The following GLIS3 variants were observed in gnomAD, a reference collection of about 807,000 sequenced individuals.
GLIS3 encodes the protein GLIS family zinc finger 3.
GLIS3 carries 53 observed loss-of-function variants against 78.6 expected under a neutral mutation model. The observed-to-expected ratio is 0.67, with a 90% confidence interval of 0.54 to 0.85. GLIS3 has a LOEUF of 0.85. Among genes scored for constraint, GLIS3 ranks in the 40% least tolerant of loss-of-function variants. The pLI is 0.00. For synonymous variants in GLIS3, 684 were observed against 509.9 expected (o/e 1.34, Z -4.60); for missense variants, 1,703 against 1,231.1 (o/e 1.38, Z -5.74).
At chr9:4,353,076 C>T (rs1044423298), upstream of GLIS3, among the ~76,000 whole-genome samples, 1 of 152,126 alleles carries the variant, frequency 6.6e-6, no homozygotes, top group African/African-American at 2.4e-5. Flanking sequence ...GTGGCCACCT[C>T]TCAAGACTCA....
chr9:3,891,404 G>A (rs530645915), intron 7 of GLIS3, among the ~76,000 whole-genome samples: 85 of 152,216 alleles, frequency 5.6e-4, no homozygotes, highest in Non-Finnish European at 1.1e-3. Flanking sequence ...GGTCAGTAAC[G>A]TAATTTAAGA....
At chr9:4,154,956 T>G (rs1041674545) in intron 2 of GLIS3, among the ~76,000 whole-genome samples, 3 of 152,202 alleles carry the variant, frequency 2.0e-5, no homozygotes, top group African/African-American at 4.8e-5. Context: ...AAAAATTATA[T>G]TTTCAAAGAA....
intron 3 of GLIS3, among the ~76,000 whole-genome samples, chr9:4,122,903 C>G (rs1167181537): frequency 6.6e-6 from 1 of 152,146 alleles, no homozygotes; most frequent in Non-Finnish European, 1.5e-5. Context: ...GAGAATGACT[C>G]CTGGATCTTC....
chr9:4,412,683 C>T, the GLIS3 span, among the ~76,000 whole-genome samples: 1 of 152,226 alleles, frequency 6.6e-6, no homozygotes, highest in South Asian at 2.1e-4. Flanking sequence ...TTTACCAAAC[C>T]CTTACCCCTT....
chr9:4,417,285 G>T, the GLIS3 span, among the ~76,000 whole-genome samples: 8 of 152,100 alleles, frequency 5.3e-5, no homozygotes, highest in Non-Finnish European at 1.2e-4. Context: ...GAACTGTGTT[G>T]TTGGGGACTG....
chr9:4,030,109 T>C (rs575056144), intron 4 of GLIS3, among the ~76,000 whole-genome samples: 22 of 152,344 alleles, frequency 1.4e-4, no homozygotes, highest in African/African-American at 5.0e-4. Flanking sequence ...CTAGAATTTG[T>C]TATTGCCTGT....
At chr9:4,047,232 A>C (rs185422491) in intron 4 of GLIS3, among the ~76,000 whole-genome samples, 8 of 152,166 alleles carry the variant, frequency 5.3e-5, no homozygotes, top group African/African-American at 1.7e-4. Context: ...ACCAGCTAAG[A>C]CGTGACTACT....
At chr9:4,186,310 C>T (rs181895558) in intron 2 of GLIS3, among the ~76,000 whole-genome samples, 2,412 of 151,992 alleles carry the variant, frequency 0.016, 33 homozygotes, top group Non-Finnish European at 0.024. Context: ...CATCCATGTC[C>T]CTACAAAGGA....
At chr9:4,253,961 C>T (rs1398772970) in intron 2 of GLIS3, among the ~76,000 whole-genome samples, 2 of 152,188 alleles carry the variant, frequency 1.3e-5, no homozygotes, top group African/African-American at 4.8e-5. Context: ...GTCCCAATGA[C>T]ATGAGCCAGG....
At chr9:4,309,191 C>A (rs1278611660) in intron 3 of GLIS3, among the ~76,000 whole-genome samples, 1 of 152,212 alleles carries the variant, frequency 6.6e-6, no homozygotes, top group East Asian at 1.9e-4. Context: ...TCGTTTACAA[C>A]TGCACTCTCC....
chr9:3,982,296 C>T (rs1321479400), intron 4 of GLIS3, among the ~76,000 whole-genome samples: 2 of 151,762 alleles, frequency 1.3e-5, no homozygotes, highest in Non-Finnish European at 2.9e-5. Context: ...TTTTTTCACT[C>T]CTTTGTATTA....
At chr9:4,235,262 G>A (rs11788131) in intron 2 of GLIS3, among the ~76,000 whole-genome samples, 6,208 of 139,528 alleles carry the variant, frequency 0.044, 181 homozygotes, top group African/African-American at 0.055. Flanking sequence ...TTGCACTACT[G>A]CACTCCAGGC....
intron 4 of GLIS3, among the ~76,000 whole-genome samples, chr9:4,006,705 G>A (rs1316109363): frequency 6.6e-6 from 1 of 152,164 alleles, no homozygotes; most frequent in African/African-American, 2.4e-5. Context: ...ACAGGAAATG[G>A]ATACAGCTTA....
intron 7 of GLIS3, among the ~76,000 whole-genome samples, chr9:3,893,977 C>G (rs916411834): frequency 6.6e-6 from 1 of 152,184 alleles, no homozygotes; most frequent in Non-Finnish European, 1.5e-5. Flanking sequence ...ACTGCATTCT[C>G]CAATCTAACT....
intron 4 of GLIS3, among the ~76,000 whole-genome samples, chr9:4,046,862 T>C (rs1825293209): frequency 1.3e-5 from 2 of 152,186 alleles, no homozygotes; most frequent in African/African-American, 4.8e-5. Context: ...CAATACTTCA[T>C]CTAGGTATTG....
At chr9:3,934,600 C>T (rs201580020) in intron 5 of GLIS3, among the ~76,000 whole-genome samples, 7 of 152,010 alleles carry the variant, frequency 4.6e-5, no homozygotes, top group African/African-American at 1.4e-4. Flanking sequence ...GTAGAGATGG[C>T]GTTTCGCCAT....
At position 4,182,596 on chromosome 9, in the gene GLIS3, G is replaced by A. The variant is rs188665101; in HGVS notation, c.389-56655C>T. 3.0e-4 allele frequency among the ~76,000 whole-genome samples: 45 copies of A among 152,300 alleles called. No individual in the cohort carries two copies. In the East Asian group the frequency reaches 7.1e-3, roughly 24 times the overall value. On this transcript the variant is annotated intron_variant, in intron 2 of 10. Coordinates refer to ENST00000381971, the MANE Select transcript of GLIS3 (RefSeq NM_001042413.2). ...TATCACCACAAACATCTTGGAGAAT[G>A]TTCACAGGGAAAGAGATTCAATCGC... is the stretch of plus-strand genomic sequence containing the variant.
At chr9:4,420,192 G>A in the GLIS3 span, among the ~76,000 whole-genome samples, 1 of 152,150 alleles carries the variant, frequency 6.6e-6, no homozygotes, top group East Asian at 1.9e-4. Flanking sequence ...GATTCTCAAA[G>A]AATCACTGAA....
chr9:4,478,331 G>A, the GLIS3 span, among the ~76,000 whole-genome samples: 546 of 152,224 alleles, frequency 3.6e-3, 2 homozygotes, highest in African/African-American at 0.012. Context: ...AAAAAGCCCC[G>A]GCGCAGTGGC....
Sources: allele counts gnomAD v4.1 joint callset (sites outside exome capture counted in the v4.1 genomes callset), GRCh38; gene constraint gnomAD v4.1.1; transcripts MANE v1.5; gene names NCBI Gene and HGNC (gene_info 2026-07-23, HGNC 2026-07-21).